C8orf34: variants seen among roughly 807,000 people sequenced by gnomAD.
C8orf34 encodes the protein uncharacterized protein C8orf34.
A neutral mutation model predicts 68.3 loss-of-function variants in C8orf34; 65 were observed. That is an observed-to-expected ratio of 0.95 (90% CI 0.78 to 1.17). The LOEUF is 1.17. C8orf34 is among the 50% of genes most tolerant of loss of function. The probability of loss-of-function intolerance (pLI) is 0.00; values close to 1 mark genes in which losing one functional copy is unlikely to be tolerated. For synonymous variants in C8orf34, 244 were observed against 241.2 expected, an observed-to-expected ratio of 1.01 and a Z score of -0.11; for missense variants, 664 against 655.4, an observed-to-expected ratio of 1.01 and a Z score of -0.14.
At chr8:68,366,607 G>A (rs1419648763) in intron 1 of C8orf34, among the ~76,000 whole-genome samples, 8 of 151,410 alleles carry the variant, frequency 5.3e-5, no homozygotes, top group Admixed American at 2.0e-4. Context: ...ACCTACAACT[G>A]TCTGATCTTT....
intron 1 of C8orf34, among the ~76,000 whole-genome samples, chr8:68,358,732 G>C (rs1021432169): frequency 4.0e-5 from 6 of 150,802 alleles, no homozygotes; most frequent in Non-Finnish European, 8.8e-5. Context: ...TTGAGACAGA[G>C]TCTCGCTCTG....
intron 10 of C8orf34, among the ~76,000 whole-genome samples, chr8:68,743,116 T>C (rs1291895595): frequency 2.0e-5 from 3 of 152,120 alleles, no homozygotes; most frequent in East Asian, 3.9e-4. Flanking sequence ...CTCCTATTAT[T>C]AGGAGGAATA....
intron 12 of C8orf34, chr8:68,792,303 T>C (rs1360600744): frequency 6.6e-6 from 1 of 152,148 alleles, no homozygotes; most frequent in Admixed American, 6.5e-5. Flanking sequence ...TCAGGCGCAA[T>C]GGCTCACGTC....
intron 9 of C8orf34, among the ~76,000 whole-genome samples, chr8:68,709,493 T>C (rs970414921): frequency 1.1e-4 from 17 of 152,160 alleles, no homozygotes; most frequent in African/African-American, 4.1e-4. Flanking sequence ...CAGTCATTCT[T>C]CTTGGGCAGA....
intron 11 of C8orf34, among the ~76,000 whole-genome samples, chr8:68,782,535 T>C (rs1823709810): frequency 6.7e-6 from 1 of 148,374 alleles, no homozygotes; most frequent in South Asian, 2.1e-4. Context: ...TACTTATGAG[T>C]ACAAGAGATC....
At chr8:68,617,555 G>C (rs1230655840) in intron 7 of C8orf34, among the ~76,000 whole-genome samples, 3 of 152,112 alleles carry the variant, frequency 2.0e-5, no homozygotes, top group Non-Finnish European at 4.4e-5. Flanking sequence ...GCTTAGTTTG[G>C]CTGGATATGA....
intron 1 of C8orf34, among the ~76,000 whole-genome samples, chr8:68,368,647 T>C (rs1322501479): frequency 6.6e-6 from 1 of 152,154 alleles, no homozygotes. Context: ...TCTCAATAGT[T>C]GGCTAAAACT....
chr8:68,368,657 T>G (rs2129619695), intron 1 of C8orf34, among the ~76,000 whole-genome samples: 1 of 152,304 alleles, frequency 6.6e-6, no homozygotes, highest in African/African-American at 2.4e-5. Flanking sequence ...TGGCTAAAAC[T>G]TTTAATTAAA....
At chr8:68,421,393 A>G (rs1294983371) in intron 1 of C8orf34, among the ~76,000 whole-genome samples, 1 of 152,198 alleles carries the variant, frequency 6.6e-6, no homozygotes, top group East Asian at 1.9e-4. Flanking sequence ...GGTATAGATA[A>G]ACAAAACAAA....
intron 12 of C8orf34, among the ~76,000 whole-genome samples, chr8:68,797,176 A>G (rs767955695): frequency 6.6e-6 from 1 of 152,208 alleles, no homozygotes; most frequent in Non-Finnish European, 1.5e-5. Flanking sequence ...CAGAATGCCT[A>G]TAATTTGCAG....
intron 7 of C8orf34, among the ~76,000 whole-genome samples, chr8:68,557,272 G>GA (rs1315399689): frequency 6.6e-6 from 1 of 152,046 alleles, no homozygotes; most frequent in Non-Finnish European, 1.5e-5. Flanking sequence ...ATTTTACACT[G>GA]AAAAATCCAT....
At chr8:68,336,521 G>A (rs890191782) in intron 1 of C8orf34, among the ~76,000 whole-genome samples, 1 of 152,100 alleles carries the variant, frequency 6.6e-6, no homozygotes, top group African/African-American at 2.4e-5. Flanking sequence ...GAAATTGGAG[G>A]TGTTGGTGTG....
chr8:68,667,201 C>T (rs1278760429), intron 8 of C8orf34, among the ~76,000 whole-genome samples: 1 of 152,042 alleles, frequency 6.6e-6, no homozygotes, highest in Non-Finnish European at 1.5e-5. Flanking sequence ...TCCCTTGGTC[C>T]ATCAAAATGT....
chr8:68,667,522 T>A (rs765916971), intron 8 of C8orf34, among the ~76,000 whole-genome samples: 6 of 152,160 alleles, frequency 3.9e-5, no homozygotes, highest in Non-Finnish European at 7.4e-5. Context: ...ATCAATATTT[T>A]TTGAATTCCT....
chr8:68,532,091 A>G lies in C8orf34; in HGVS notation c.939-892A>G, dbSNP rs1055622318. ...AGACTTGAGACTCCCTTTCTCCACTAAAGATGCTAGGAGAACTGAGTGGCG... is the reference window on the plus strand; with the variant it reads ...AGACTTGAGACTCCCTTTCTCCACTGAAGATGCTAGGAGAACTGAGTGGCG... On this transcript the variant is annotated intron_variant, in intron 6 of 13. Transcript: ENST00000518698. Among the ~76,000 whole-genome samples, 4 of 152,124 alleles carry G rather than the reference A, an allele frequency of 2.6e-5. No homozygotes were observed. The East Asian group carries it at 7.7e-4, about 29-fold the overall frequency.
chr8:68,743,305 G>T (rs953622215), intron 10 of C8orf34, among the ~76,000 whole-genome samples: 1 of 152,156 alleles, frequency 6.6e-6, no homozygotes, highest in African/African-American at 2.4e-5. Flanking sequence ...CTATGTAATT[G>T]CTTTTACAAC....
At chr8:68,689,373 A>G (rs1450699966) in intron 8 of C8orf34, among the ~76,000 whole-genome samples, 1 of 152,080 alleles carries the variant, frequency 6.6e-6, no homozygotes, top group Non-Finnish European at 1.5e-5. Flanking sequence ...TCATCCATGT[A>G]ACCAAAAACT....
intron 1 of C8orf34, among the ~76,000 whole-genome samples, chr8:68,367,912 G>GAAAAAAAAAAAAAAAAAA (rs61562318): frequency 2.9e-3 from 228 of 79,114 alleles, no homozygotes; most frequent in African/African-American, 7.6e-3. Flanking sequence ...AAAAAGAAAA[G>GAAAAAAAAAAAAAAAAAA]AAAAAAAAAA....
chr8:68,800,202 A>C (rs1011047879), intron 12 of C8orf34, among the ~76,000 whole-genome samples: 1 of 152,218 alleles, frequency 6.6e-6, no homozygotes, highest in African/African-American at 2.4e-5. Flanking sequence ...TTTGGATTCA[A>C]ATAATTCAAA....
Sources: allele counts gnomAD v4.1 joint callset (sites outside exome capture counted in the v4.1 genomes callset), GRCh38; gene constraint gnomAD v4.1.1; transcripts MANE v1.5; gene names NCBI Gene and HGNC (gene_info 2026-07-23, HGNC 2026-07-21).